ANO4: variants seen among roughly 807,000 people sequenced by gnomAD.
The protein encoded by ANO4 is anoctamin 4.
In ANO4, 69 loss-of-function variants were observed where a neutral mutation model predicts 141.9. The ratio of observed to expected loss-of-function variants is 0.49; its 90% CI spans 0.40 to 0.59. ANO4 has a LOEUF of 0.59. Ranked by LOEUF, ANO4 falls within the 20% of genes least tolerant of loss-of-function variation. The pLI, the probability that ANO4 is intolerant of heterozygous loss-of-function variation, is 0.00. For synonymous variants in ANO4, 350 were observed against 394.3 expected (o/e 0.89, Z 1.33); for missense variants, 894 against 1,162.2 (o/e 0.77, Z 3.36).
At chr12:100,917,586 C>T (rs2041405744) in intron 2 of ANO4, among the ~76,000 whole-genome samples, 1 of 152,188 alleles carries the variant, frequency 6.6e-6, no homozygotes, top group South Asian at 2.1e-4. Context: ...TGGAGATTGT[C>T]ATCTTTGAAG....
chr12:100,812,007 C>T (rs914197648), intron 1 of ANO4, among the ~76,000 whole-genome samples: 1 of 143,248 alleles, frequency 7.0e-6, no homozygotes. Context: ...CACATACCTA[C>T]TCACATATAC....
chr12:100,949,274 G>T (rs1004668954), intron 5 of ANO4, among the ~76,000 whole-genome samples: 1 of 152,178 alleles, frequency 6.6e-6, no homozygotes, highest in African/African-American at 2.4e-5. Flanking sequence ...ATGTGTAGTT[G>T]TAAGCCTCCA....
At chr12:101,027,332 C>A (rs143705400) in intron 9 of ANO4, among the ~76,000 whole-genome samples, 15 of 152,358 alleles carry the variant, frequency 9.8e-5, no homozygotes, top group African/African-American at 3.6e-4. Context: ...TCTGCCTAAC[C>A]CTGCAGAGCT....
At chr12:101,029,925 G>T in intron 9 of ANO4, among the ~76,000 whole-genome samples, 1 of 39,840 alleles carries the variant, frequency 2.5e-5, no homozygotes, top group Admixed American at 1.9e-4. Context: ...AAAAAAAAGA[G>T]CTAACTATTC....
At chr12:100,814,947 G>A (rs545672273) in intron 1 of ANO4, among the ~76,000 whole-genome samples, 1 of 152,210 alleles carries the variant, frequency 6.6e-6, no homozygotes, top group South Asian at 2.1e-4. Flanking sequence ...GGAGATGGCC[G>A]CAAGTTGGTG....
Position 101,020,120 on chromosome 12 carries a change from A to G in ANO4, c.821A>G (p.Glu274Gly). The change falls in exon 9 of 28, where the codon GAA becomes GGA. Residue 274 changes from glutamate to glycine, a missense_variant. Around this residue, in one of 2 missense-constraint regions of ANO4, gnomAD observed 637 missense variants for 909.2 expected, o/e 0.70. Coordinates refer to ENST00000392977, the MANE Select transcript of ANO4 (RefSeq NM_001286615.2). ...VHHILQRIKY[E>G]EGKNKIGLNR... ...CACATTTTACAAAGAATAAAATATG[A>G]AGAAGGAAAAAACAAGATTGGTAAG... 1 of 1,610,126 alleles carries G rather than the reference A, an allele frequency of 6.2e-7. No homozygotes were observed. Among genetic ancestry groups the G allele is most frequent in the Non-Finnish European group, 8.5e-7 (1 of 1,176,644 alleles).
In ANO4 at chr12:101,116,771, T is replaced by C; in HGVS notation, c.2543T>C (p.Phe848Ser). The C allele has an allele frequency of 6.2e-7, 1 of 1,614,130 alleles. No homozygotes were observed. Among genetic ancestry groups the C allele is most frequent in the Non-Finnish European group, 8.5e-7 (1 of 1,180,000 alleles). Reference protein sequence around the residue: ...RSEPESDGSEFSGTPLKYCRY... With the variant: ...RSEPESDGSESSGTPLKYCRY... ...GAGCCTGAATCTGATGGCAGTGAGT[T>C]CTCGGGGACTCCTCTTAAGTACTGC... is the stretch of plus-strand genomic sequence containing the variant. Residue 848 changes from phenylalanine (F) to serine (S), a missense_variant, in exon 25 of 28, where the codon TTC (phenylalanine) becomes TCC (serine). Phe to Ser is a radical substitution (Grantham distance 155). This residue lies in a region of ANO4 where 637 missense variants were observed against 909.2 expected (regional missense o/e 0.70). Coordinates refer to ENST00000392977, the MANE Select transcript of ANO4 (RefSeq NM_001286615.2).
intron 1 of ANO4, among the ~76,000 whole-genome samples, chr12:100,826,677 T>C (rs2036361081): frequency 6.6e-6 from 1 of 152,044 alleles, no homozygotes; most frequent in African/African-American, 2.4e-5. Context: ...ATTAGTAACA[T>C]TTCTAGTTAT....
At chr12:100,840,068 A>G (rs536459569) in intron 1 of ANO4, among the ~76,000 whole-genome samples, 2 of 152,172 alleles carry the variant, frequency 1.3e-5, no homozygotes, top group East Asian at 1.9e-4. Context: ...ATACATATAT[A>G]TGAGTGGTGT....
chr12:100,997,628 C>G (rs2045448733), intron 8 of ANO4, among the ~76,000 whole-genome samples: 1 of 152,036 alleles, frequency 6.6e-6, no homozygotes, highest in South Asian at 2.1e-4. Context: ...GCCTCAGTGG[C>G]CTATGTATCT....
intron 1 of ANO4, among the ~76,000 whole-genome samples, chr12:100,872,421 C>T (rs771281668): frequency 6.6e-6 from 1 of 152,146 alleles, no homozygotes; most frequent in African/African-American, 2.4e-5. Context: ...GACCAATTCT[C>T]ATATACCAAG....
At chr12:100,972,598 T>C (rs548438497) in intron 6 of ANO4, among the ~76,000 whole-genome samples, 2 of 152,276 alleles carry the variant, frequency 1.3e-5, no homozygotes, top group Admixed American at 1.3e-4. Context: ...ATATATCCAC[T>C]AGGGAGAGAT....
In ANO4 at chr12:101,126,955, G is replaced by C; in HGVS notation, c.2753G>C (p.Arg918Thr). The C allele has an allele frequency of 6.2e-7, 1 of 1,614,196 alleles. No homozygotes were observed. The highest frequency in any genetic ancestry group is 8.5e-7 in the Non-Finnish European group (1 of 1,180,036). ...DLPKDLRDRM[R>T]REKYLIQEMM... Reference sequence around the variant, plus strand: ...CCAAAAGACCTAAGGGATCGAATGAGAAGAGAGAAGTACTTGATTCAGGAG... The same window carrying C: ...CCAAAAGACCTAAGGGATCGAATGACAAGAGAGAAGTACTTGATTCAGGAG... Residue 918 changes from arginine to threonine, a missense_variant, in exon 27 of 28, where the codon AGA becomes ACA. This residue lies in a region of ANO4 where 637 missense variants were observed against 909.2 expected (regional missense o/e 0.70). Transcript: ENST00000392977.
intron 2 of ANO4, among the ~76,000 whole-genome samples, chr12:100,919,403 C>T (rs1032372260): frequency 6.6e-6 from 1 of 152,014 alleles, no homozygotes; most frequent in Non-Finnish European, 1.5e-5. Flanking sequence ...CTTTTATACT[C>T]GATTTTTACT....
intron 8 of ANO4, among the ~76,000 whole-genome samples, chr12:100,998,565 G>A (rs778685426): frequency 6.6e-6 from 1 of 152,126 alleles, no homozygotes; most frequent in African/African-American, 2.4e-5. Flanking sequence ...GTTGAAAATG[G>A]TTCCATGTTT....
chr12:100,829,662 G>A (rs1183425302), intron 1 of ANO4, among the ~76,000 whole-genome samples: 1 of 152,044 alleles, frequency 6.6e-6, no homozygotes, highest in African/African-American at 2.4e-5. Flanking sequence ...GAAGAAATCA[G>A]TACAAGGTAA....
intron 18 of ANO4, among the ~76,000 whole-genome samples, chr12:101,096,055 G>A (rs1207501566): frequency 6.6e-6 from 1 of 152,200 alleles, no homozygotes; most frequent in Non-Finnish European, 1.5e-5. Flanking sequence ...TGAGTCAAAT[G>A]CTCTTAGCCT....
intron 3 of ANO4, among the ~76,000 whole-genome samples, chr12:100,784,802 C>A (rs1409285695): frequency 1.3e-5 from 2 of 152,136 alleles, no homozygotes; most frequent in African/African-American, 4.8e-5. Context: ...TATTCCATTC[C>A]CCTAACATTC....
chr12:100,838,466 C>A (rs2037065782), intron 1 of ANO4, among the ~76,000 whole-genome samples: 1 of 151,972 alleles, frequency 6.6e-6, no homozygotes, highest in Admixed American at 6.6e-5. Flanking sequence ...AGCAGGAATA[C>A]AGAATAAGAA....
Sources: allele counts gnomAD v4.1 joint callset (sites outside exome capture counted in the v4.1 genomes callset), GRCh38; gene constraint gnomAD v4.1.1; regional missense constraint gnomAD v4.1.1; transcripts MANE v1.5; gene names NCBI Gene and HGNC (gene_info 2026-07-23, HGNC 2026-07-21).